The following DACH2 variants were observed in gnomAD, a reference collection of about 807,000 sequenced individuals.
The protein encoded by DACH2 is dachshund family transcription factor 2.
DACH2 carries 17 observed loss-of-function variants against 35.8 expected under a neutral mutation model. That is an observed-to-expected ratio of 0.48 (90% CI 0.33 to 0.71). The LOEUF is 0.71. DACH2 is among the 30% of genes least tolerant of loss of function. The pLI is 0.02. For missense variants in DACH2, 469 were observed against 472.7 expected (o/e 0.99, Z 0.07); for synonymous variants, 195 against 177.3 (o/e 1.10, Z -0.79).
At chrX:86,317,852 T>C (rs1255772426) in intron 1 of DACH2, among the ~76,000 whole-genome samples, 1 of 111,252 alleles carries the variant, frequency 9.0e-6, no homozygotes, top group Non-Finnish European at 1.9e-5. Flanking sequence ...TTAGTGACAT[T>C]GTTTACTCAC....
chrX:86,649,905 G>A (rs2040458652), intron 3 of DACH2, among the ~76,000 whole-genome samples: 1 of 110,840 alleles, frequency 9.0e-6, no homozygotes, highest in Admixed American at 9.7e-5. Flanking sequence ...TTTATGGTAG[G>A]ATGAATTTTA....
At chrX:86,638,090 A>G (rs1370211663) in intron 3 of DACH2, among the ~76,000 whole-genome samples, 1 of 111,409 alleles carries the variant, frequency 9.0e-6, no homozygotes, top group Non-Finnish European at 1.9e-5. Flanking sequence ...CAGAATAGAG[A>G]TCCCAGAAAT....
intron 1 of DACH2, among the ~76,000 whole-genome samples, chrX:86,240,166 A>C (rs756464045): frequency 1.8e-5 from 2 of 111,701 alleles, no homozygotes; most frequent in Non-Finnish European, 3.8e-5. Flanking sequence ...CAGTCTTGGA[A>C]GGTAGAGTGA....
At chrX:86,760,245 G>A (rs893701104) in intron 7 of DACH2, among the ~76,000 whole-genome samples, 6 of 111,161 alleles carry the variant, frequency 5.4e-5, no homozygotes, top group African/African-American at 2.0e-4. Flanking sequence ...CAAGTCTCTT[G>A]CTACACTTGG....
intron 3 of DACH2, among the ~76,000 whole-genome samples, chrX:86,554,317 G>A (rs964440823): frequency 1.8e-5 from 2 of 111,076 alleles, no homozygotes; most frequent in African/African-American, 6.5e-5. Context: ...TATGAAGTAA[G>A]TGTTTCTATC....
chrX:86,268,173 C>A (rs1308999971), intron 1 of DACH2, among the ~76,000 whole-genome samples: 1 of 111,974 alleles, frequency 8.9e-6, no homozygotes, highest in Non-Finnish European at 1.9e-5. Context: ...TGCCAAAGGG[C>A]CATAATATAA....
chrX:86,160,986 G>A (rs1340231574), intron 1 of DACH2: 2 of 884,748 alleles, frequency 2.3e-6, no homozygotes. Flanking sequence ...GGTTCCACTG[G>A]CATTGCCATC....
intron 1 of DACH2, among the ~76,000 whole-genome samples, chrX:86,344,823 T>G (rs2035471355): frequency 8.9e-6 from 1 of 111,852 alleles, no homozygotes; most frequent in East Asian, 2.8e-4. Flanking sequence ...CAAACATACA[T>G]TTCACAACTT....
At chrX:86,387,284 T>C (rs1228567424) in intron 2 of DACH2, among the ~76,000 whole-genome samples, 1 of 111,611 alleles carries the variant, frequency 9.0e-6, no homozygotes, top group Non-Finnish European at 1.9e-5. Context: ...CTGCAGGTCT[T>C]CTTGGAGCCT....
intron 7 of DACH2, among the ~76,000 whole-genome samples, chrX:86,803,628 A>C (rs1299203296): frequency 9.0e-6 from 1 of 111,007 alleles, no homozygotes; most frequent in Non-Finnish European, 1.9e-5. Context: ...TACATATCAA[A>C]TATCATTGCA....
intron 2 of DACH2, among the ~76,000 whole-genome samples, chrX:86,402,866 A>G (rs1025286240): frequency 1.1e-4 from 12 of 111,993 alleles, no homozygotes; most frequent in African/African-American, 3.9e-4. Flanking sequence ...ACAGAAAACT[A>G]AGAAATAAAT....
intron 1 of DACH2, among the ~76,000 whole-genome samples, chrX:86,238,851 T>C (rs2033108857): frequency 9.0e-6 from 1 of 111,632 alleles, no homozygotes; most frequent in Admixed American, 9.6e-5. Flanking sequence ...ATATTAAAAT[T>C]CAATAAAATG....
At chrX:86,694,974 T>C in intron 4 of DACH2, 47 bp from the exon 5 acceptor site, 1 of 970,235 alleles carries the variant, frequency 1.0e-6, no homozygotes, top group Non-Finnish European at 1.3e-6. Flanking sequence ...AAAAGCCTTC[T>C]TATGAAAGTT....
chrX:86,715,510 G>C (rs1441652945), intron 6 of DACH2, among the ~76,000 whole-genome samples: 2 of 110,719 alleles, frequency 1.8e-5, no homozygotes, highest in Admixed American at 9.7e-5. Context: ...GGTGATATAT[G>C]GGTACATAGG....
chrX:86,646,583 A>G (rs2040417901), intron 3 of DACH2, among the ~76,000 whole-genome samples: 1 of 110,461 alleles, frequency 9.1e-6, no homozygotes, highest in Non-Finnish European at 1.9e-5. Flanking sequence ...ACAAGCAAAC[A>G]TGAAGTGGTA....
intron 1 of DACH2, among the ~76,000 whole-genome samples, chrX:86,288,812 A>G (rs2034208109): frequency 8.9e-6 from 1 of 112,251 alleles, no homozygotes; most frequent in Non-Finnish European, 1.9e-5. Context: ...AGGCAGGTAC[A>G]GAAATGCTGT....
At chrX:86,225,832 T>C (rs2032812194) in intron 1 of DACH2, among the ~76,000 whole-genome samples, 1 of 111,731 alleles carries the variant, frequency 9.0e-6, no homozygotes, top group Non-Finnish European at 1.9e-5. Context: ...CTGTCTCTTT[T>C]TGTTATTCAT....
At chrX:86,650,647 T>A (rs1569460043) in intron 3 of DACH2, among the ~76,000 whole-genome samples, 1 of 111,829 alleles carries the variant, frequency 8.9e-6, no homozygotes, top group Admixed American at 9.6e-5. Flanking sequence ...TGGAATTTTT[T>A]AAACTATTTG....
intron 5 of DACH2, among the ~76,000 whole-genome samples, chrX:86,712,850 C>T (rs1412814990): frequency 9.0e-6 from 1 of 111,011 alleles, no homozygotes; most frequent in Non-Finnish European, 1.9e-5. Flanking sequence ...TTTCTGACTC[C>T]AGGATATGGA....
Sources: allele counts gnomAD v4.1 joint callset (sites outside exome capture counted in the v4.1 genomes callset), GRCh38; gene constraint gnomAD v4.1.1; transcripts MANE v1.5; gene names NCBI Gene and HGNC (gene_info 2026-07-23, HGNC 2026-07-21).